ZFPM2: variants seen among roughly 807,000 people sequenced by gnomAD.
ZFPM2 encodes the protein zinc finger protein, FOG family member 2.
Under a neutral mutation model 98.6 loss-of-function variants are expected in ZFPM2, and 20 were observed. The ratio of observed to expected loss-of-function variants is 0.20; its 90% CI spans 0.14 to 0.29. The LOEUF (loss-of-function observed/expected upper bound fraction) is 0.29, where lower values mean the gene tolerates loss of function less well. Among genes scored for constraint, ZFPM2 ranks in the 10% least tolerant of loss-of-function variants. The pLI, the probability that ZFPM2 is intolerant of heterozygous loss-of-function variation, is 1.00. For synonymous variants in ZFPM2, 518 were observed against 502.7 expected (o/e 1.03, Z -0.41); for missense variants, 1,310 against 1,388.6 (o/e 0.94, Z 0.90).
At chr8:105,334,701 C>T (rs1292752728) in intron 1 of ZFPM2, among the ~76,000 whole-genome samples, 3 of 151,666 alleles carry the variant, frequency 2.0e-5, no homozygotes, top group East Asian at 1.9e-4. Context: ...CTGCCCTGCC[C>T]GAAAGAGTTC....
rs201149708 is a variant in ZFPM2, at chr8:105,461,273, TA to T, written c.301+16899del. Among the ~76,000 whole-genome samples the T allele has an allele frequency of 7.6e-3, 1,154 of 152,116 alleles. 11 individuals carry two copies. Among genetic ancestry groups the T allele is most frequent in the Middle Eastern group, 0.017 (5 of 294 alleles). ...TACTCTTAAAGTAAGCATGGTAAAATAAAAAAACTTGAAATGCCAGATATTC... is the reference window on the plus strand; with the variant it reads ...TACTCTTAAAGTAAGCATGGTAAAATAAAAAACTTGAAATGCCAGATATTC... On this transcript the variant is annotated intron_variant, in intron 3 of 7. Transcript: ENST00000407775.
intron 1 of ZFPM2, among the ~76,000 whole-genome samples, chr8:105,408,155 T>C (rs186658385): frequency 6.6e-6 from 1 of 152,066 alleles, no homozygotes; most frequent in East Asian, 1.9e-4. Flanking sequence ...GTGGGCAAGC[T>C]AGTTTTGTTA....
intron 3 of ZFPM2, among the ~76,000 whole-genome samples, chr8:105,523,527 A>G (rs1814107124): frequency 1.3e-5 from 2 of 152,192 alleles, no homozygotes; most frequent in Non-Finnish European, 2.9e-5. Flanking sequence ...CCAACCAGGA[A>G]TATACTAAGG....
chr8:105,597,216 A>C (rs2130776918), intron 4 of ZFPM2, among the ~76,000 whole-genome samples: 1 of 152,096 alleles, frequency 6.6e-6, no homozygotes, highest in East Asian at 1.9e-4. Context: ...TCAGTAATAA[A>C]TCTTTGAATT....
intron 2 of ZFPM2, among the ~76,000 whole-genome samples, chr8:105,430,715 C>T (rs1244262802): frequency 6.6e-6 from 1 of 152,042 alleles, no homozygotes; most frequent in Non-Finnish European, 1.5e-5. Context: ...CTTGTGATAA[C>T]TTATTTGGGA....
At chr8:105,449,852 A>G (rs914218799) in intron 3 of ZFPM2, among the ~76,000 whole-genome samples, 1 of 152,072 alleles carries the variant, frequency 6.6e-6, no homozygotes, top group East Asian at 1.9e-4. Flanking sequence ...TACTTTTACT[A>G]TCATTTCAGC....
intron 1 of ZFPM2, among the ~76,000 whole-genome samples, chr8:105,415,297 A>G (rs1218003364): frequency 6.6e-6 from 1 of 152,114 alleles, no homozygotes; most frequent in Non-Finnish European, 1.5e-5. Flanking sequence ...ACTAATCACT[A>G]GCATTTTTAA....
intron 2 of ZFPM2, among the ~76,000 whole-genome samples, chr8:105,425,887 T>A (rs780126900): frequency 6.6e-6 from 1 of 152,072 alleles, no homozygotes; most frequent in East Asian, 1.9e-4. Context: ...GCTGTGGGAG[T>A]AGTAACCGTT....
intron 5 of ZFPM2, among the ~76,000 whole-genome samples, chr8:105,747,767 G>A (rs1812382023): frequency 6.6e-6 from 1 of 152,014 alleles, no homozygotes; most frequent in Admixed American, 6.6e-5. Flanking sequence ...TGGAAACACT[G>A]GTGAAAAGGA....
At chr8:105,420,143 G>A (rs914546441) in intron 2 of ZFPM2, among the ~76,000 whole-genome samples, 2 of 152,112 alleles carry the variant, frequency 1.3e-5, no homozygotes. Flanking sequence ...GTTTCTGTAT[G>A]TCTGTCTGTG....
At chr8:105,507,816 C>T (rs574375613) in intron 3 of ZFPM2, among the ~76,000 whole-genome samples, 1 of 152,268 alleles carries the variant, frequency 6.6e-6, no homozygotes, top group South Asian at 2.1e-4. Context: ...CTCCCTCCAT[C>T]ATCACTGCCC....
chr8:105,370,249 T>C (rs996635268), intron 1 of ZFPM2, among the ~76,000 whole-genome samples: 1 of 152,222 alleles, frequency 6.6e-6, no homozygotes, highest in African/African-American at 2.4e-5. Context: ...AAAGATAGCA[T>C]ACGTAAATTG....
intron 3 of ZFPM2, among the ~76,000 whole-genome samples, chr8:105,463,749 A>T (rs1364382762): frequency 1.3e-5 from 2 of 151,142 alleles, no homozygotes; most frequent in Admixed American, 6.6e-5. Flanking sequence ...AGGCTGTTAC[A>T]TTTTTTTTTC....
chr8:105,718,925 A>G (rs574006403), intron 5 of ZFPM2, among the ~76,000 whole-genome samples: 27 of 151,966 alleles, frequency 1.8e-4, no homozygotes, highest in Admixed American at 1.6e-3. Flanking sequence ...TAGAGAGATG[A>G]CTTATTAAAG....
At chr8:105,381,880 C>T (rs988383098) in intron 1 of ZFPM2, among the ~76,000 whole-genome samples, 2 of 152,020 alleles carry the variant, frequency 1.3e-5, no homozygotes, top group African/African-American at 4.8e-5. Flanking sequence ...AAAGACTACA[C>T]TGTCAACATG....
intron 3 of ZFPM2, among the ~76,000 whole-genome samples, chr8:105,475,058 T>A (rs1812985100): frequency 6.6e-6 from 1 of 152,176 alleles, no homozygotes; most frequent in Non-Finnish European, 1.5e-5. Flanking sequence ...GGAAAAACAT[T>A]GGCTAAAAGT....
chr8:105,401,402 G>A (rs1811337885), intron 1 of ZFPM2, among the ~76,000 whole-genome samples: 1 of 151,858 alleles, frequency 6.6e-6, no homozygotes. Context: ...ACTGCCTTTT[G>A]CTCTTTAAAT....
intron 1 of ZFPM2, among the ~76,000 whole-genome samples, chr8:105,407,407 CA>C (rs1172908880): frequency 2.0e-5 from 3 of 151,760 alleles, no homozygotes; most frequent in African/African-American, 7.3e-5. Context: ...TAAAGAAAAG[CA>C]TTAATTCATG....
At chr8:105,671,646 T>A (rs1817597641) in intron 5 of ZFPM2, among the ~76,000 whole-genome samples, 1 of 152,084 alleles carries the variant, frequency 6.6e-6, no homozygotes, top group Non-Finnish European at 1.5e-5. Flanking sequence ...ATTAAATAAA[T>A]AGGTGGTTTT....
Sources: allele counts gnomAD v4.1 joint callset (sites outside exome capture counted in the v4.1 genomes callset), GRCh38; gene constraint gnomAD v4.1.1; transcripts MANE v1.5; gene names NCBI Gene and HGNC (gene_info 2026-07-23, HGNC 2026-07-21).